Variants in UPF2 observed in about 807,000 individuals in gnomAD.
The protein encoded by UPF2 is regulator of nonsense transcripts 2.
Under a neutral mutation model 141.4 loss-of-function variants are expected in UPF2, and 17 were observed. The ratio of observed to expected loss-of-function variants is 0.12; its 90% CI spans 0.08 to 0.18. The LOEUF (loss-of-function observed/expected upper bound fraction) is 0.18. Among genes scored for constraint, UPF2 ranks in the 10% least tolerant of loss-of-function variants. UPF2 has a pLI of 1.00. For missense variants in UPF2, 1,152 were observed against 1,515.9 expected (o/e 0.76, Z 3.99); for synonymous variants, 540 against 498.0 (o/e 1.08, Z -1.12).
intron 21 of UPF2, among the ~76,000 whole-genome samples, chr10:11,922,471 C>T (rs2131141479): frequency 1.3e-5 from 2 of 152,316 alleles, no homozygotes; most frequent in South Asian, 4.1e-4. Flanking sequence ...AGAGAAGATT[C>T]AAGCATCTCT....
rs978549302 is a variant in UPF2 at position 11,998,332 on chromosome 10, CCT to C, written c.1759-577_1759-576del. Among the ~76,000 whole-genome samples, 20 of 152,188 alleles carry C rather than the reference CCT, an allele frequency of 1.3e-4. No individual in the cohort carries two copies. In the East Asian group the frequency reaches 2.1e-3, roughly 16 times the overall value. ...AAAGAAACTCAACTGTCTTCAATCCCCTGTCTAAAATTTCATAAAACAGGGAA... is the reference window on the plus strand; with the variant it reads ...AAAGAAACTCAACTGTCTTCAATCCCGTCTAAAATTTCATAAAACAGGGAA... On this transcript the variant is annotated intron_variant, in intron 7 of 21. Transcript: ENST00000357604. This position sits in a 1 kb window ranked among gnomAD's most constrained non-coding sequence, Gnocchi z 4.5.
intron 18 of UPF2, among the ~76,000 whole-genome samples, chr10:11,938,853 G>GTTTTTTTGTTTTTTTGTTTTTTTTTT (rs1832890068): frequency 1.3e-5 from 1 of 79,816 alleles, no homozygotes; most frequent in African/African-American, 5.0e-5. Flanking sequence ...TTTTTTTTTT[G>GTTTTTTTGTTTTTTTGTTTTTTTTTT]TTTTTTTTTT....
At chr10:11,963,122 C>T (rs1833265672) in intron 11 of UPF2, among the ~76,000 whole-genome samples, 1 of 152,044 alleles carries the variant, frequency 6.6e-6, no homozygotes, top group African/African-American at 2.4e-5. Context: ...ACTATCAAGC[C>T]ATTAGGGGAG....
intron 8 of UPF2, among the ~76,000 whole-genome samples, chr10:11,984,719 A>T (rs1457616128): frequency 9.9e-5 from 12 of 120,608 alleles, no homozygotes; most frequent in African/African-American, 2.6e-4. Flanking sequence ...TTTGCTCTTT[A>T]AAAAAAAAAA....
rs141703056 is a variant in UPF2 at position 11,993,439 on chromosome 10, T to C, written c.1844+4233A>G. 2.0e-3 allele frequency among the ~76,000 whole-genome samples: 308 copies of C among 151,670 alleles called. 1 individual carries two copies. Among genetic ancestry groups the C allele is most frequent in the Admixed American group, 3.5e-3 (54 of 15,232 alleles). On this transcript the variant is annotated intron_variant, in intron 8 of 21. Transcript: ENST00000357604. ...GCAAGAGGCCAAAAATGTAAGAAAA[T>C]AGATCTGAATCATTATTTAATCATG...
intron 5 of UPF2, among the ~76,000 whole-genome samples, chr10:12,003,821 A>G (rs999003199): frequency 7.3e-6 from 1 of 136,840 alleles, no homozygotes; most frequent in Non-Finnish European, 1.5e-5. Context: ...GTTACTTGGG[A>G]GGCTAAAGCA....
At chr10:11,961,674 C>T (rs866792428) in intron 11 of UPF2, among the ~76,000 whole-genome samples, 1 of 151,952 alleles carries the variant, frequency 6.6e-6, no homozygotes, top group Non-Finnish European at 1.5e-5. Context: ...TCAAGGAGGG[C>T]GGGGGCTGTA....
At chr10:11,924,317 C>T (rs1015373825) in intron 21 of UPF2, among the ~76,000 whole-genome samples, 1 of 152,226 alleles carries the variant, frequency 6.6e-6, no homozygotes, top group Non-Finnish European at 1.5e-5. Flanking sequence ...GTGGCTGACA[C>T]CTATAATCCC....
intron 3 of UPF2, among the ~76,000 whole-genome samples, chr10:12,018,993 A>T (rs1383709915): frequency 1.3e-5 from 2 of 152,222 alleles, no homozygotes; most frequent in African/African-American, 4.8e-5. Context: ...AATATGACCA[A>T]AATTTCTCAT....
At chr10:11,947,809 A>C (rs1306537917) in intron 16 of UPF2, among the ~76,000 whole-genome samples, 1 of 144,056 alleles carries the variant, frequency 6.9e-6, no homozygotes, top group African/African-American at 2.6e-5. Flanking sequence ...AAAAAAAAAA[A>C]GACATGTGGA....
rs1410395390 is a variant in UPF2 at position 11,921,314 on chromosome 10, G to A, written c.3810-7C>T. On this transcript the variant is annotated splice_region_variant and splice_polypyrimidine_tract_variant and intron_variant, in intron 21 of 21. Transcript: ENST00000357604. The surrounding 1 kb of genome is among the most constrained non-coding windows in gnomAD (Gnocchi z 5.9). ...GCTGCTGGATCAACGTCTCCTAAAG[G>A]AACAAACAGGGTCACATCAGAGAGC... 6.2e-7 allele frequency: 1 copy of A among 1,614,046 alleles called. No homozygotes were observed. The highest frequency in any genetic ancestry group is 8.5e-7 in the Non-Finnish European group (1 of 1,180,014).
chr10:11,991,321 A>G (rs1219027299), intron 8 of UPF2, among the ~76,000 whole-genome samples: 2 of 152,330 alleles, frequency 1.3e-5, no homozygotes, highest in East Asian at 3.9e-4. Flanking sequence ...CACTGAAAAC[A>G]GTGACTGGTA....
rs1832843404 is a variant in UPF2, at chr10:11,935,899, G to T, written c.3546+646C>A. Among the ~76,000 whole-genome samples the T allele has an allele frequency of 6.6e-6, 1 of 152,148 alleles. No individual in the cohort carries two copies. On this transcript the variant is annotated intron_variant, in intron 19 of 21. Coordinates refer to ENST00000357604, the MANE Select transcript of UPF2 (RefSeq NM_015542.4). This position sits in a 1 kb window ranked among gnomAD's most constrained non-coding sequence, Gnocchi z 4.9. ...GTATGAAGGGGGAAAGGGCAAACAAGAAGAATGGAGAGGGATATGGAGAAG... is the reference window on the plus strand; with the variant it reads ...GTATGAAGGGGGAAAGGGCAAACAATAAGAATGGAGAGGGATATGGAGAAG...
At chr10:11,925,417 G>A (rs778101121) in intron 21 of UPF2, among the ~76,000 whole-genome samples, 75 of 152,332 alleles carry the variant, frequency 4.9e-4, no homozygotes, top group Non-Finnish European at 8.5e-4. Flanking sequence ...GAGCAGAACT[G>A]GAATGAGAAC....
chr10:12,030,596 G>C (rs1229135715), intron 2 of UPF2, among the ~76,000 whole-genome samples: 4 of 151,724 alleles, frequency 2.6e-5, no homozygotes, highest in Non-Finnish European at 5.9e-5. Flanking sequence ...CATTAAAAAT[G>C]TTTTGAGGCC....
chr10:12,029,270 G>A lies in UPF2; in HGVS notation c.620C>T (p.Ala207Val). 6.2e-7 allele frequency: 1 copy of A among 1,614,184 alleles called. No homozygotes were observed. Among genetic ancestry groups the A allele is most frequent in the Non-Finnish European group, 8.5e-7 (1 of 1,180,042 alleles). Residue 207 changes from alanine to valine, a missense_variant, in exon 3 of 22, where the codon GCT becomes GTT. Physicochemically the swap from Ala to Val is moderately conservative, Grantham distance 64 (BLOSUM62 0). Coordinates refer to ENST00000357604, the MANE Select transcript of UPF2 (RefSeq NM_015542.4). ...NLSKYIAEAVASIVEAKLKIS... is the reference protein window; with the variant it reads ...NLSKYIAEAVVSIVEAKLKIS... ...TTTTAGTTTTGCTTCCACGATGGAA[G>A]CTACAGCTTCTGCAATGTATTTGCT...
At position 12,014,458 on chromosome 10, in the gene UPF2, A is replaced by G. The variant is rs1333948072; in HGVS notation, c.1146-274T>C. Among the ~76,000 whole-genome samples, 1 of 152,186 alleles carries G rather than the reference A, an allele frequency of 6.6e-6. No homozygotes were observed. Among genetic ancestry groups the G allele is most frequent in the Non-Finnish European group, 1.5e-5 (1 of 68,032 alleles). ...ACAATATACATCTAAATAATTTTAA[A>G]TTATTCAGTATTTTATTACAGTCAC... On this transcript the variant is annotated intron_variant, in intron 3 of 21. Coordinates refer to ENST00000357604, the MANE Select transcript of UPF2 (RefSeq NM_015542.4). The surrounding 1 kb of genome is among the most constrained non-coding windows in gnomAD (Gnocchi z 5.0).
At position 11,979,250 on chromosome 10, in the gene UPF2, C is replaced by T. The variant is rs1833554612; in HGVS notation, c.1845-85G>A. 2 of 956,642 alleles carry T rather than the reference C, an allele frequency of 2.1e-6. No homozygotes were observed. Among genetic ancestry groups the T allele is most frequent in the Non-Finnish European group, 3.2e-6 (2 of 634,078 alleles). 59.3% of individuals were successfully genotyped at this position (956,642 alleles called of 1,614,324 possible). On this transcript the variant is annotated intron_variant, in intron 8 of 21. Coordinates refer to ENST00000357604, the MANE Select transcript of UPF2 (RefSeq NM_015542.4). The surrounding 1 kb of genome is among the most constrained non-coding windows in gnomAD (Gnocchi z 6.2). ...AAAATTTAAACTTTTCAGATGTATT[C>T]ACACATTAAATGATCTTAAAACTCA...
chr10:11,971,896 T>C (rs1263418407), intron 9 of UPF2, among the ~76,000 whole-genome samples: 1 of 151,924 alleles, frequency 6.6e-6, no homozygotes, highest in East Asian at 1.9e-4. Context: ...AAACCCTGTC[T>C]CTGCTAAAAG....
Sources: allele counts gnomAD v4.1 joint callset (sites outside exome capture counted in the v4.1 genomes callset), GRCh38; gene constraint gnomAD v4.1.1; non-coding constraint Gnocchi (gnomAD v3.1); transcripts MANE v1.5; gene names NCBI Gene and HGNC (gene_info 2026-07-23, HGNC 2026-07-21).